The following KIAA1328 variants were observed in gnomAD, a reference collection of about 807,000 sequenced individuals.
The protein encoded by KIAA1328 is KIAA1328.
In KIAA1328, 52 loss-of-function variants were observed where a neutral mutation model predicts 68.1. The ratio of observed to expected loss-of-function variants is 0.76; its 90% confidence interval spans 0.61 to 0.96. The LOEUF is 0.96. Ranked by LOEUF, KIAA1328 falls within the 40% of genes least tolerant of loss-of-function variation. KIAA1328 has a pLI of 0.00. For missense variants in KIAA1328, 641 were observed against 677.6 expected (o/e 0.95, Z 0.60); for synonymous variants, 232 against 239.4 (o/e 0.97, Z 0.28).
At chr18:36,967,886 A>C (rs1177835083) in intron 6 of KIAA1328, among the ~76,000 whole-genome samples, 1 of 152,248 alleles carries the variant, frequency 6.6e-6, no homozygotes, top group South Asian at 2.1e-4. Flanking sequence ...ACAGTAAAGA[A>C]AAAAGAATGA....
Position 37,185,415 on chromosome 18 carries a change from A to T in KIAA1328, c.1523+12334A>T, listed in dbSNP as rs538950865. On this transcript the variant is annotated intron_variant, in intron 9 of 9. Transcript: ENST00000280020. ...ATAGGGAGGACACCAACCAAAAGAC[A>T]TAGAAAAAAAGATAATACCCTTGAA... Among the ~76,000 whole-genome samples the T allele has an allele frequency of 1.0e-3, 154 of 152,264 alleles. 2 individuals carry two copies. The highest frequency in any genetic ancestry group is 3.7e-3 in the African/African-American group (152 of 41,540).
chr18:36,939,290 A>G (rs879139364), intron 5 of KIAA1328, among the ~76,000 whole-genome samples: 1 of 152,144 alleles, frequency 6.6e-6, no homozygotes, highest in Non-Finnish European at 1.5e-5. Context: ...TTTTTGGTAT[A>G]ACAGATATTT....
chr18:36,937,256 C>T (rs774005184), intron 5 of KIAA1328, among the ~76,000 whole-genome samples: 6 of 152,086 alleles, frequency 3.9e-5, no homozygotes, highest in Non-Finnish European at 7.4e-5. Context: ...CCATAAAAAC[C>T]CTAGAAGAAA....
At position 37,222,691 on chromosome 18, in the gene KIAA1328, T is replaced by C; in HGVS notation, c.*464T>C. On this transcript the variant is annotated 3_prime_UTR_variant, in exon 10 of 10. Coordinates refer to ENST00000280020, the MANE Select transcript of KIAA1328 (RefSeq NM_020776.3). Reference sequence around the variant, plus strand: ...AGACTCTCTCATCTTTCTCATCCTGTTCTCTCACTACTACATTTCTGTAAG... The same window carrying C: ...AGACTCTCTCATCTTTCTCATCCTGCTCTCTCACTACTACATTTCTGTAAG... 2.0e-6 allele frequency: 2 copies of C among 1,007,348 alleles called. No homozygotes were observed. The highest frequency in any genetic ancestry group is 2.4e-6 in the Non-Finnish European group (2 of 843,718). 62.4% of individuals were successfully genotyped at this position (1,007,348 alleles called of 1,614,324 possible). A position where few individuals can be genotyped will look rare whatever the true frequency, so the allele number is the denominator to read the frequency against.
chr18:37,200,749 T>C (rs2060094870), intron 9 of KIAA1328, among the ~76,000 whole-genome samples: 1 of 149,352 alleles, frequency 6.7e-6, no homozygotes, highest in Non-Finnish European at 1.5e-5. Flanking sequence ...AAGCGGAGCT[T>C]GCAGTGAGCT....
chr18:37,196,979 T>C (rs1445296549), intron 9 of KIAA1328, among the ~76,000 whole-genome samples: 1 of 152,044 alleles, frequency 6.6e-6, no homozygotes, highest in Non-Finnish European at 1.5e-5. Context: ...ATTATTGATC[T>C]GTTCAGGTTT....
At chr18:36,993,087 G>A (rs2053253343) in intron 6 of KIAA1328, among the ~76,000 whole-genome samples, 1 of 152,090 alleles carries the variant, frequency 6.6e-6, no homozygotes, top group Non-Finnish European at 1.5e-5. Flanking sequence ...ACCTGGGTGA[G>A]AGAGTGAGAT....
At chr18:36,926,942 G>A (rs534240050) in intron 5 of KIAA1328, among the ~76,000 whole-genome samples, 3 of 152,258 alleles carry the variant, frequency 2.0e-5, no homozygotes, top group East Asian at 3.9e-4. Context: ...GAGCCAGGAC[G>A]GCACCTGGCA....
intron 6 of KIAA1328, among the ~76,000 whole-genome samples, chr18:37,065,974 A>G (rs1199686070): frequency 6.6e-6 from 1 of 152,192 alleles, no homozygotes; most frequent in Non-Finnish European, 1.5e-5. Context: ...GATATAGACC[A>G]ATAGTTTTCA....
At chr18:37,076,155 A>C (rs1352812459) in intron 7 of KIAA1328, among the ~76,000 whole-genome samples, 1 of 152,250 alleles carries the variant, frequency 6.6e-6, no homozygotes, top group South Asian at 2.1e-4. Flanking sequence ...AGTGCAATCA[A>C]ACTAGAACTC....
intron 1 of KIAA1328, among the ~76,000 whole-genome samples, chr18:36,832,448 G>T (rs2046524378): frequency 6.6e-6 from 1 of 151,848 alleles, no homozygotes; most frequent in Admixed American, 6.6e-5. Context: ...AATTAGCCAG[G>T]TGTGGCGGCG....
intron 9 of KIAA1328, among the ~76,000 whole-genome samples, chr18:37,199,261 A>G (rs111262853): frequency 2.0e-5 from 3 of 152,176 alleles, no homozygotes; most frequent in African/African-American, 4.8e-5. Context: ...ACCTTCTGCC[A>G]TCTGGTAGGC....
intron 5 of KIAA1328, among the ~76,000 whole-genome samples, chr18:36,937,416 A>G (rs2050543930): frequency 6.6e-6 from 1 of 152,240 alleles, no homozygotes; most frequent in African/African-American, 2.4e-5. Context: ...ATCAGAGTGA[A>G]CAAGCAACCT....
chr18:36,938,905 T>G (rs1311903461), intron 5 of KIAA1328, among the ~76,000 whole-genome samples: 1 of 152,052 alleles, frequency 6.6e-6, no homozygotes, highest in Admixed American at 6.6e-5. Context: ...AATGCGTGGG[T>G]TTATTTTTTG....
At chr18:37,168,384 G>T (rs1449300378) in intron 8 of KIAA1328, among the ~76,000 whole-genome samples, 1 of 152,166 alleles carries the variant, frequency 6.6e-6, no homozygotes, top group African/African-American at 2.4e-5. Flanking sequence ...AAGAAGGAAG[G>T]AGTACATTTT....
chr18:37,215,892 G>A (rs1330125782), intron 9 of KIAA1328, among the ~76,000 whole-genome samples: 2 of 152,076 alleles, frequency 1.3e-5, no homozygotes, highest in East Asian at 3.9e-4. Flanking sequence ...TGTATGTGTC[G>A]AGGAATTTAT....
intron 4 of KIAA1328, among the ~76,000 whole-genome samples, chr18:36,855,043 T>G (rs4539671): frequency 0.14 from 20,727 of 152,254 alleles, 1,751 homozygotes; most frequent in Admixed American, 0.18. Flanking sequence ...AATTTATTGA[T>G]TTATTCATCT....
intron 7 of KIAA1328, among the ~76,000 whole-genome samples, chr18:37,110,674 A>G (rs1357546739): frequency 1.3e-5 from 2 of 152,216 alleles, no homozygotes; most frequent in African/African-American, 4.8e-5. Context: ...TATTTGTGGA[A>G]TTTTCTGGAT....
chr18:37,182,019 C>G (rs1172900047), intron 9 of KIAA1328, among the ~76,000 whole-genome samples: 1 of 152,088 alleles, frequency 6.6e-6, no homozygotes, highest in African/African-American at 2.4e-5. Flanking sequence ...TTTGTCAACC[C>G]AGCAATAGAT....
Sources: gnomAD v4.1 joint callset for allele counts (sites outside exome capture counted in the v4.1 genomes callset) on GRCh38, gnomAD v4.1.1 for gene constraint, MANE v1.5 for transcripts, NCBI Gene and HGNC (gene_info 2026-07-23, HGNC 2026-07-21) for gene names.